Variants in ZNF705G observed in about 807,000 individuals in gnomAD.
ZNF705G encodes zinc finger protein 705G.
A neutral mutation model predicts 19.6 loss-of-function variants in ZNF705G; 23 were observed. The ratio of observed to expected loss-of-function variants is 1.17; its 90% confidence interval spans 0.84 to 1.66. The LOEUF (loss-of-function observed/expected upper bound fraction) is 1.66, where lower values mean the gene tolerates loss of function less well. Among genes scored for constraint, ZNF705G ranks in the 40% most tolerant of loss-of-function variants. The pLI, the probability that ZNF705G is intolerant of heterozygous loss-of-function variation, is 0.00. For synonymous variants in ZNF705G, 146 were observed against 117.7 expected (o/e 1.24, Z -1.56); for missense variants, 457 against 354.4 (o/e 1.29, Z -2.32).
In ZNF705G at chr8:7,357,284, C is replaced by T. The variant is rs1292102259; in HGVS notation, c.*692G>A. ...TTGGTATTCCAAGAGAATTCATTGC[C>T]CTTGGAAAGATTTTCCCTTCTTATT... On this transcript the variant is annotated 3_prime_UTR_variant, in exon 7 of 7. Transcript: ENST00000400156. 2.0e-5 allele frequency: 3 copies of T among 151,636 alleles called. No homozygotes were observed. Among genetic ancestry groups the T allele is most frequent in the Non-Finnish European group, 4.4e-5 (3 of 68,958 alleles). 9.4% of individuals were successfully genotyped at this position (151,636 alleles called of 1,614,324 possible).
chr8:7,363,142 A>T, intron 2 of ZNF705G, 125 bp from the exon 3 acceptor site: 1 of 1,234,618 alleles, frequency 8.1e-7, no homozygotes, highest in Non-Finnish European at 1.1e-6. Flanking sequence ...ACCAACAGAC[A>T]CAAACATGCA....
chr8:7,367,437 C>CA (rs1372201884), intron 2 of ZNF705G, among the ~76,000 whole-genome samples: 1 of 149,432 alleles, frequency 6.7e-6, no homozygotes, highest in South Asian at 2.1e-4. Flanking sequence ...TGTTAAGAGA[C>CA]AAAAATGGCA....
Position 7,357,822 on chromosome 8 carries a change from C to G in ZNF705G, c.*154G>C. Reference sequence around the variant, plus strand: ...TCCTTACCTTTGTCATTCCTAACACCGTGTCATCTAAAGTCAGAATATGTT... The same window carrying G: ...TCCTTACCTTTGTCATTCCTAACACGGTGTCATCTAAAGTCAGAATATGTT... On this transcript the variant is annotated 3_prime_UTR_variant, in exon 7 of 7. Transcript: ENST00000400156. 1 of 997,196 alleles carries G rather than the reference C, an allele frequency of 1.0e-6. No homozygotes were observed. Among genetic ancestry groups the G allele is most frequent in the Non-Finnish European group, 1.4e-6 (1 of 702,652 alleles). 61.8% of individuals were successfully genotyped at this position (997,196 alleles called of 1,614,324 possible). A position where few individuals can be genotyped will look rare whatever the true frequency, so the allele number is the denominator to read the frequency against.
intron 6 of ZNF705G, among the ~76,000 whole-genome samples, chr8:7,359,114 C>A (rs1202413081): frequency 6.7e-6 from 1 of 149,636 alleles, no homozygotes; most frequent in Non-Finnish European, 1.5e-5. Flanking sequence ...CCACCTTTTA[C>A]ATGAAAATTG....
chr8:7,365,598 G>C (rs185474036), intron 2 of ZNF705G, among the ~76,000 whole-genome samples: 2 of 149,290 alleles, frequency 1.3e-5, no homozygotes, highest in Admixed American at 6.6e-5. Context: ...TAAAACTCCT[G>C]ACCTCAGGTG....
chr8:7,368,191 A>T (rs1246081077), intron 2 of ZNF705G, among the ~76,000 whole-genome samples: 1 of 149,606 alleles, frequency 6.7e-6, no homozygotes. Context: ...CATTCTGGAG[A>T]CACTCCCTGT....
At chr8:7,360,092 A>T (rs905332868) in intron 5 of ZNF705G, 145 bp downstream of exon 5, 1 of 1,082,994 alleles carries the variant, frequency 9.2e-7, no homozygotes, top group African/African-American at 1.9e-5. Flanking sequence ...AAATGATAAT[A>T]ACATCTAAGG....
At chr8:7,363,836 T>G (rs1233006972) in intron 2 of ZNF705G, among the ~76,000 whole-genome samples, 1 of 148,890 alleles carries the variant, frequency 6.7e-6, no homozygotes, top group African/African-American at 2.6e-5. Flanking sequence ...AAAAAATCTG[T>G]TTTAGGATGG....
intron 6 of ZNF705G, 75 bp from the exon 7 acceptor site, chr8:7,358,635 C>T: frequency 6.3e-7 from 1 of 1,582,346 alleles, no homozygotes; most frequent in Non-Finnish European, 8.6e-7. Context: ...ACCTTTGAAT[C>T]CTAGACCAAC....
intron 3 of ZNF705G, among the ~76,000 whole-genome samples, 165 bp downstream of exon 3, chr8:7,362,770 G>A (rs967877523): frequency 2.7e-5 from 4 of 149,266 alleles, no homozygotes; most frequent in Admixed American, 6.6e-5. Flanking sequence ...ATACCTGAAA[G>A]CCTCCTGATT....
chr8:7,358,867 G>A lies in ZNF705G; in HGVS notation c.319-307C>T, dbSNP rs545430205. Among the ~76,000 whole-genome samples the A allele has an allele frequency of 1.7e-4, 26 of 149,510 alleles. 2 individuals carry two copies. The highest frequency in any genetic ancestry group is 5.4e-4 in the African/African-American group (21 of 38,944). On this transcript the variant is annotated intron_variant, in intron 6 of 6. Coordinates refer to ENST00000400156, the MANE Select transcript of ZNF705G (RefSeq NM_001164457.3). ...CCCATGAGGAAATTCCTCATGAGCT[G>A]TTAAAATTGCACCATGGCAATGCAA... is the stretch of plus-strand genomic sequence containing the variant.
In ZNF705G at chr8:7,356,885, G is replaced by T. The variant is rs748440600; in HGVS notation, c.*1091C>A. ...TGAGATTTCTTATATAATTCTGCAC[G>T]CAATTTATTCCCTGGTCACTTTGCT... On this transcript the variant is annotated 3_prime_UTR_variant, in exon 7 of 7. Transcript: ENST00000400156. 4.7e-5 allele frequency: 7 copies of T among 149,874 alleles called. No homozygotes were observed. The highest frequency in any genetic ancestry group is 2.1e-4 in the South Asian group (1 of 4,780). The allele number at this position is 149,874 out of a possible 1,614,324, so 9.3% of individuals were successfully genotyped here.
chr8:7,364,299 T>A (rs1489972158), intron 2 of ZNF705G, among the ~76,000 whole-genome samples: 1 of 149,718 alleles, frequency 6.7e-6, no homozygotes, highest in African/African-American at 2.6e-5. Context: ...ATATATTTTA[T>A]GTACAAATGA....
Position 7,361,091 on chromosome 8 carries a change from T to A in ZNF705G, c.139+19A>T. 10 of 1,592,802 alleles carry A rather than the reference T, an allele frequency of 6.3e-6. No individual in the cohort carries two copies. Among genetic ancestry groups the A allele is most frequent in the Non-Finnish European group, 8.5e-6 (10 of 1,179,378 alleles). On this transcript the variant is annotated intron_variant, in intron 4 of 6. Coordinates refer to ENST00000400156, the MANE Select transcript of ZNF705G (RefSeq NM_001164457.3). ...GTGAATGTGTCTCTACATATGTACATGAATGTTCAGGGACTCACCGAGGGA... is the reference window on the plus strand; with the variant it reads ...GTGAATGTGTCTCTACATATGTACAAGAATGTTCAGGGACTCACCGAGGGA...
At chr8:7,376,305 C>A (rs34019995) in intron 2 of ZNF705G, among the ~76,000 whole-genome samples, 5,879 of 90,458 alleles carry the variant, frequency 0.065, 1,889 homozygotes, top group Middle Eastern at 0.18. Context: ...GATTTCAGGT[C>A]AATTAAATAG....
chr8:7,366,059 C>A (rs1353539130), intron 2 of ZNF705G, among the ~76,000 whole-genome samples: 2 of 149,368 alleles, frequency 1.3e-5, no homozygotes, highest in Non-Finnish European at 2.9e-5. Flanking sequence ...TAGCAATGAA[C>A]AAATAGAAAA....
Position 7,358,038 on chromosome 8 carries a change from C to T in ZNF705G, c.841G>A (p.Glu281Lys). Residue 281 changes from glutamate to lysine, a missense_variant, in exon 7 of 7, where the codon GAG (glutamate) becomes AAG (lysine). By Grantham distance (56) the Glu-to-Lys change is moderately conservative. Coordinates refer to ENST00000400156, the MANE Select transcript of ZNF705G (RefSeq NM_001164457.3). ...CATAGAAGACAAGCATGTGGTTTCT[C>T]TCCAGTGTGAATTATTTTGTTTCCT... ...FRGNKIIHTG[E>K]KPHACLLCGK... 2 of 1,608,860 alleles carry T rather than the reference C, an allele frequency of 1.2e-6. No homozygotes were observed. Among genetic ancestry groups the T allele is most frequent in the East Asian group, 2.2e-5 (1 of 44,856 alleles).
intron 4 of ZNF705G, among the ~76,000 whole-genome samples, chr8:7,360,686 AC>A (rs1312539847): frequency 2.3e-4 from 34 of 149,672 alleles, no homozygotes; most frequent in East Asian, 1.9e-4. Flanking sequence ...ACAAAAAAAA[AC>A]ATTCGATTTA....
At chr8:7,378,604 G>A (rs1807343300) in intron 2 of ZNF705G, among the ~76,000 whole-genome samples, 1 of 119,368 alleles carries the variant, frequency 8.4e-6, no homozygotes, top group Non-Finnish European at 1.6e-5. Flanking sequence ...GCTTTCTTCT[G>A]GAAGCTCTGC....
Sources: gnomAD v4.1 joint callset for allele counts (sites outside exome capture counted in the v4.1 genomes callset) on GRCh38, gnomAD v4.1.1 for gene constraint, MANE v1.5 for transcripts, NCBI Gene and HGNC (gene_info 2026-07-23, HGNC 2026-07-21) for gene names.